Variants in PTPRD observed in about 807,000 individuals in gnomAD.
PTPRD encodes receptor-type tyrosine-protein phosphatase delta.
Under a neutral mutation model 214.5 loss-of-function variants are expected in PTPRD, and 34 were observed. The observed-to-expected ratio is 0.16, with a 90% CI of 0.12 to 0.21. The LOEUF (loss-of-function observed/expected upper bound fraction) is 0.21. Ranked by LOEUF, PTPRD falls within the 10% of genes least tolerant of loss-of-function variation. PTPRD has a pLI of 1.00. For synonymous variants in PTPRD, 1,128 were observed against 845.7 expected (o/e 1.33, Z -5.79); for missense variants, 2,545 against 2,398.7 (o/e 1.06, Z -1.27).
At chr9:10,079,210 T>G (rs1221367876) in intron 3 of PTPRD, among the ~76,000 whole-genome samples, 1 of 152,100 alleles carries the variant, frequency 6.6e-6, no homozygotes, top group African/African-American at 2.4e-5. Flanking sequence ...ACTCCATGTT[T>G]CCAGGTTAAG....
chr9:9,461,904 C>A (rs1430109481), intron 8 of PTPRD, among the ~76,000 whole-genome samples: 1 of 152,274 alleles, frequency 6.6e-6, no homozygotes, highest in African/African-American at 2.4e-5. Context: ...ACTATCTCCT[C>A]AGCTTCTTTA....
chr9:9,298,941 T>G (rs2134573353), intron 9 of PTPRD, among the ~76,000 whole-genome samples: 1 of 151,962 alleles, frequency 6.6e-6, no homozygotes, highest in South Asian at 2.1e-4. Flanking sequence ...AAGGAGTCTA[T>G]TTTTCTTAAT....
chr9:9,681,520 T>C (rs2097070724), intron 7 of PTPRD, among the ~76,000 whole-genome samples: 2 of 151,834 alleles, frequency 1.3e-5, no homozygotes, highest in South Asian at 2.1e-4. Flanking sequence ...CTGAAAGTAA[T>C]CCCGTCTAAA....
chr9:10,278,810 T>C (rs183252095), intron 3 of PTPRD, among the ~76,000 whole-genome samples: 6,603 of 152,118 alleles, frequency 0.043, 391 homozygotes, highest in Admixed American at 0.16. Context: ...AGTCTCGCTC[T>C]GTTGCCCAGG....
chr9:9,778,773 C>T (rs1320548115), intron 5 of PTPRD, among the ~76,000 whole-genome samples: 1 of 152,002 alleles, frequency 6.6e-6, no homozygotes, highest in Non-Finnish European at 1.5e-5. Flanking sequence ...TGTTCTGGTG[C>T]CTCCAGGCTA....
chr9:10,336,410 GT>G (rs1320233384), intron 3 of PTPRD, among the ~76,000 whole-genome samples: 3 of 151,540 alleles, frequency 2.0e-5, no homozygotes, highest in Admixed American at 6.6e-5. Context: ...ATGGGTGGGA[GT>G]TTTTTGTGGG....
At chr9:10,447,131 G>A (rs369245674) in intron 2 of PTPRD, among the ~76,000 whole-genome samples, 1 of 150,388 alleles carries the variant, frequency 6.6e-6, no homozygotes, top group South Asian at 2.1e-4. Context: ...TGTAGTGGAA[G>A]CAGCTTTTAG....
At chr9:9,262,731 T>C (rs1024238052) in intron 9 of PTPRD, among the ~76,000 whole-genome samples, 48 of 151,814 alleles carry the variant, frequency 3.2e-4, no homozygotes, top group African/African-American at 1.1e-3. Flanking sequence ...TTTGTTTGCT[T>C]ATTTTTAATG....
intron 10 of PTPRD, among the ~76,000 whole-genome samples, chr9:9,057,189 C>T (rs993953402): frequency 3.3e-5 from 5 of 152,142 alleles, no homozygotes; most frequent in African/African-American, 9.7e-5. Flanking sequence ...GATTATTTTT[C>T]ACTCAGTAAA....
At chr9:10,588,605 G>C (rs747593244) in intron 2 of PTPRD, among the ~76,000 whole-genome samples, 1 of 151,922 alleles carries the variant, frequency 6.6e-6, no homozygotes, top group Non-Finnish European at 1.5e-5. Flanking sequence ...AAATTATAAA[G>C]CAAATATTCA....
intron 11 of PTPRD, among the ~76,000 whole-genome samples, chr9:8,864,956 A>G (rs1054013555): frequency 6.6e-6 from 1 of 152,196 alleles, no homozygotes; most frequent in African/African-American, 2.4e-5. Flanking sequence ...GCTTTGTACA[A>G]GCTAGTATTT....
At chr9:9,130,063 G>A (rs996799966) in intron 10 of PTPRD, among the ~76,000 whole-genome samples, 1 of 152,038 alleles carries the variant, frequency 6.6e-6, no homozygotes, top group Non-Finnish European at 1.5e-5. Context: ...TAATTATTAA[G>A]ATATGCTTGT....
intron 6 of PTPRD, among the ~76,000 whole-genome samples, chr9:9,758,354 T>A (rs2098609371): frequency 6.6e-6 from 1 of 152,098 alleles, no homozygotes; most frequent in African/African-American, 2.4e-5. Context: ...ATGTACCTTC[T>A]CATATGTGAA....
intron 8 of PTPRD, among the ~76,000 whole-genome samples, chr9:9,499,818 A>T (rs1379941980): frequency 1.3e-5 from 2 of 152,076 alleles, no homozygotes; most frequent in Non-Finnish European, 2.9e-5. Context: ...CCTTCATTTG[A>T]CACTGTCTCA....
At chr9:10,601,596 C>T (rs150269831) in intron 2 of PTPRD, among the ~76,000 whole-genome samples, 5 of 151,596 alleles carry the variant, frequency 3.3e-5, no homozygotes, top group African/African-American at 1.2e-4. Context: ...GACTACAAAA[C>T]AAAAACTTTG....
At chr9:9,274,820 C>T (rs1944337599) in intron 9 of PTPRD, among the ~76,000 whole-genome samples, 1 of 149,446 alleles carries the variant, frequency 6.7e-6, no homozygotes, top group South Asian at 2.1e-4. Flanking sequence ...ATCTCTCAGT[C>T]CACAGAACAC....
At chr9:10,434,124 G>C in intron 2 of PTPRD, among the ~76,000 whole-genome samples, 1 of 151,838 alleles carries the variant, frequency 6.6e-6, no homozygotes, top group East Asian at 1.9e-4. Context: ...AAATATGTCT[G>C]CAATGATGGG....
At chr9:9,070,410 A>C (rs1384858398) in intron 10 of PTPRD, among the ~76,000 whole-genome samples, 1 of 152,138 alleles carries the variant, frequency 6.6e-6, no homozygotes, top group Admixed American at 6.5e-5. Flanking sequence ...TTCTTTGAGC[A>C]TAGGTAGCAA....
In PTPRD at chr9:8,609,494, T is replaced by A. The variant is rs184699882; in HGVS notation, c.352+23823A>T. Among the ~76,000 whole-genome samples, 4 of 152,326 alleles carry A rather than the reference T, an allele frequency of 2.6e-5. No homozygotes were observed. In the East Asian group the frequency reaches 7.7e-4, roughly 29 times the overall value. On this transcript the variant is annotated intron_variant, in intron 14 of 45. Coordinates refer to ENST00000381196, the MANE Select transcript of PTPRD (RefSeq NM_002839.4). The stretch of plus-strand genomic sequence containing the variant: ...ATAAACTAAATTAATATGTGACAAG[T>A]ATGTAACTGGATGCCTGAATCAGGT...
Sources: gnomAD v4.1 joint callset for allele counts (sites outside exome capture counted in the v4.1 genomes callset) on GRCh38, gnomAD v4.1.1 for gene constraint, MANE v1.5 for transcripts, NCBI Gene and HGNC (gene_info 2026-07-23, HGNC 2026-07-21) for gene names.